Variants in KDELR2 observed in about 807,000 individuals in gnomAD.
The protein encoded by KDELR2 is ER lumen protein-retaining receptor 2.
KDELR2 carries 15 observed loss-of-function variants against 23.9 expected under a neutral mutation model. The observed-to-expected ratio is 0.63, with a 90% CI of 0.42 to 0.97. KDELR2 has a LOEUF of 0.97. KDELR2 is among the 50% of genes least tolerant of loss of function. The probability of loss-of-function intolerance (pLI) is 0.00; values close to 1 mark genes in which losing one functional copy is unlikely to be tolerated. For missense variants in KDELR2, 272 were observed against 254.6 expected (o/e 1.07, Z -0.46); for synonymous variants, 119 against 106.2 (o/e 1.12, Z -0.74).
chr7:6,467,431 A>G (rs912198958), intron 3 of KDELR2, among the ~76,000 whole-genome samples: 1 of 152,166 alleles, frequency 6.6e-6, no homozygotes, highest in African/African-American at 2.4e-5. Context: ...CACGATGATG[A>G]TAGAAGGACT....
intron 3 of KDELR2, among the ~76,000 whole-genome samples, chr7:6,468,560 C>A (rs1431410807): frequency 1.3e-5 from 2 of 151,976 alleles, no homozygotes; most frequent in Non-Finnish European, 2.9e-5. Context: ...GGCTGGAGTG[C>A]AGTAGCGCGA....
intron 1 of KDELR2, among the ~76,000 whole-genome samples, chr7:6,483,600 C>A (rs947118742): frequency 6.6e-6 from 1 of 152,220 alleles, no homozygotes; most frequent in Non-Finnish European, 1.5e-5. Flanking sequence ...GGGACCCCCA[C>A]GGGAGATCCC....
chr7:6,466,460 G>A, intron 3 of KDELR2, 137 bp from the exon 4 acceptor site: 1 of 1,015,686 alleles, frequency 9.8e-7, no homozygotes, highest in East Asian at 2.5e-5. Context: ...TAGAACAACA[G>A]CTTGGCAACT....
Position 6,484,067 on chromosome 7 carries a change from G to T in KDELR2, c.-10C>A. The T allele has an allele frequency of 2.0e-6, 3 of 1,484,366 alleles. No individual in the cohort carries two copies. Among genetic ancestry groups the T allele is most frequent in the Non-Finnish European group, 2.7e-6 (3 of 1,112,476 alleles). The allele number at this position is 1,484,366 out of a possible 1,614,324, so 91.9% of individuals were successfully genotyped here. A position where few individuals can be genotyped will look rare whatever the true frequency, so the allele number is the denominator to read the frequency against. ...GCCGGAAAATGTTCATGGCGGCGGC[G>T]GCGGTGGCGGTCGGCGCAGCGCGGC... On this transcript the variant is annotated 5_prime_UTR_variant, in exon 1 of 5. Transcript: ENST00000258739.
chr7:6,474,515 C>T (rs772880814), intron 1 of KDELR2, among the ~76,000 whole-genome samples: 4 of 152,108 alleles, frequency 2.6e-5, no homozygotes, highest in Non-Finnish European at 5.9e-5. Flanking sequence ...CTATAAAGGG[C>T]GACCACAGGA....
intron 3 of KDELR2, among the ~76,000 whole-genome samples, chr7:6,467,720 C>T (rs1207804439): frequency 6.6e-6 from 1 of 152,094 alleles, no homozygotes; most frequent in Non-Finnish European, 1.5e-5. Flanking sequence ...GAGATCATGC[C>T]ACTGCACTCC....
At chr7:6,464,362 T>C (rs1268449630) in intron 4 of KDELR2, among the ~76,000 whole-genome samples, 2 of 150,326 alleles carry the variant, frequency 1.3e-5, no homozygotes, top group African/African-American at 2.5e-5. Context: ...CTATTAAAAA[T>C]ACAAAAATTA....
intron 2 of KDELR2, among the ~76,000 whole-genome samples, chr7:6,470,959 T>C (rs1160555211): frequency 6.6e-6 from 1 of 150,932 alleles, no homozygotes; most frequent in Non-Finnish European, 1.5e-5. Flanking sequence ...CTAAAAAAAA[T>C]ACAAAAAATT....
rs902111485 is a variant in KDELR2 at position 6,461,999 on chromosome 7, G to C, written c.*1142C>G. 1 of 152,170 alleles carries C rather than the reference G, an allele frequency of 6.6e-6. No individual in the cohort carries two copies. The highest frequency in any genetic ancestry group is 1.9e-4 in the East Asian group (1 of 5,184). 9.4% of individuals were successfully genotyped at this position (152,170 alleles called of 1,614,324 possible). On this transcript the variant is annotated 3_prime_UTR_variant, in exon 5 of 5. Coordinates refer to ENST00000258739, the MANE Select transcript of KDELR2 (RefSeq NM_006854.4). ...AATCCCAACACAGGATGTTCAAAAA[G>C]CCTAATTCATAAAAAGACAATTTAT... is the stretch of plus-strand genomic sequence containing the variant.
intron 4 of KDELR2, among the ~76,000 whole-genome samples, chr7:6,463,924 C>A (rs1193306284): frequency 2.6e-5 from 3 of 117,502 alleles, no homozygotes; most frequent in African/African-American, 8.3e-5. Flanking sequence ...AGGCTGGGCA[C>A]AGTGGCTCAT....
intron 2 of KDELR2, among the ~76,000 whole-genome samples, chr7:6,473,082 A>ATTTTTTTTTTT (rs1206035683): frequency 2.3e-4 from 22 of 94,808 alleles, no homozygotes; most frequent in East Asian, 3.1e-4. Context: ...TAATTTTTGT[A>ATTTTTTTTTTT]TTTTTTTTTT....
Position 6,466,221 on chromosome 7 carries a change from G to A in KDELR2, c.454C>T (p.Leu152=), listed in dbSNP as rs1466449367. The A allele has an allele frequency of 6.2e-7, 1 of 1,614,084 alleles. No individual in the cohort carries two copies. Among genetic ancestry groups the A allele is most frequent in the South Asian group, 1.1e-5 (1 of 91,080 alleles). Reference sequence around the variant, plus strand: ...GCACGATAGAGGCCCAGGAAGAACAGGTAGTGGGTGGTGATGGTCTCGGCC... The same window carrying A: ...GCACGATAGAGGCCCAGGAAGAACAAGTAGTGGGTGGTGATGGTCTCGGCC... ...GEAETITTHY[L]FFLGLYRALY... Residue 152 remains leucine, a synonymous_variant, in exon 4 of 5, where the codon CTG becomes TTG. Transcript: ENST00000258739.
intron 1 of KDELR2, among the ~76,000 whole-genome samples, chr7:6,476,266 AG>A (rs1188650776): frequency 1.3e-5 from 2 of 151,856 alleles, no homozygotes; most frequent in African/African-American, 2.4e-5. Flanking sequence ...ATCCATCAAT[AG>A]AAACCAAAGG....
rs184686010 is a variant in KDELR2 at position 6,480,575 on chromosome 7, C to T, written c.91+3392G>A. On this transcript the variant is annotated intron_variant, in intron 1 of 4. Coordinates refer to ENST00000258739, the MANE Select transcript of KDELR2 (RefSeq NM_006854.4). ...AGGAACACAGAATCTCCAGCTTCCA[C>T]ACGAGTCAGCCTCATCCCTGATCCT... 2.7e-3 allele frequency among the ~76,000 whole-genome samples: 409 copies of T among 152,310 alleles called. 2 individuals carry two copies. The highest frequency in any genetic ancestry group is 0.01 in the Middle Eastern group (3 of 294).
At chr7:6,464,139 G>A (rs1785447633) in intron 4 of KDELR2, among the ~76,000 whole-genome samples, 1 of 144,710 alleles carries the variant, frequency 6.9e-6, no homozygotes, top group African/African-American at 2.6e-5. Context: ...GGAGGTTGCG[G>A]TGAGCCAAGA....
intron 4 of KDELR2, among the ~76,000 whole-genome samples, chr7:6,465,187 T>TC (rs1785476228): frequency 6.7e-6 from 1 of 150,208 alleles, no homozygotes; most frequent in African/African-American, 2.4e-5. Context: ...ATATCTTTTT[T>TC]TTTTTTTTTT....
chr7:6,480,023 A>T (rs187998191), intron 1 of KDELR2, among the ~76,000 whole-genome samples: 2 of 152,342 alleles, frequency 1.3e-5, no homozygotes, highest in South Asian at 2.1e-4. Context: ...TATGGACACC[A>T]TAAGATCCAG....
chr7:6,463,123 GGT>G lies in KDELR2; in HGVS notation c.*16_*17del, dbSNP rs914719146. ...CCGAGCACCCTGAAGGACAGATGCTGGTGATGGTCTTTGGCACTTATGCTGGC... is the reference window on the plus strand; with the variant it reads ...CCGAGCACCCTGAAGGACAGATGCTGGATGGTCTTTGGCACTTATGCTGGC... On this transcript the variant is annotated 3_prime_UTR_variant, in exon 5 of 5. Transcript: ENST00000258739. The G allele has an allele frequency of 6.2e-7, 1 of 1,614,008 alleles. No homozygotes were observed. The highest frequency in any genetic ancestry group is 8.5e-7 in the Non-Finnish European group (1 of 1,180,030).
intron 2 of KDELR2, among the ~76,000 whole-genome samples, chr7:6,473,158 A>G (rs1319410306): frequency 1.5e-4 from 22 of 147,534 alleles, no homozygotes; most frequent in Non-Finnish European, 3.0e-5. Flanking sequence ...CCTTGGCTCA[A>G]GCAATCCACC....
Sources: allele counts gnomAD v4.1 joint callset (sites outside exome capture counted in the v4.1 genomes callset), GRCh38; gene constraint gnomAD v4.1.1; transcripts MANE v1.5; gene names NCBI Gene and HGNC (gene_info 2026-07-23, HGNC 2026-07-21).